The following ICE1 variants were observed in gnomAD, a reference collection of about 807,000 sequenced individuals.
ICE1 encodes the protein interactor of little elongation complex ELL subunit 1, also known as little elongation complex subunit 1.
In ICE1, 64 loss-of-function variants were observed where a neutral mutation model predicts 192.7. The observed-to-expected ratio is 0.33, with a 90% CI of 0.27 to 0.41. ICE1 has a LOEUF of 0.41. Ranked by LOEUF, ICE1 falls within the 10% of genes least tolerant of loss-of-function variation. ICE1 has a pLI of 1.00. For missense variants in ICE1, 2,708 were observed against 2,696.0 expected, an observed-to-expected ratio of 1.00 and a Z score of -0.10; for synonymous variants, 1,010 against 984.5, an observed-to-expected ratio of 1.03 and a Z score of -0.49.
chr5:5,481,988 C>A (rs911684260), intron 17 of ICE1, among the ~76,000 whole-genome samples: 26 of 152,162 alleles, frequency 1.7e-4, no homozygotes, highest in African/African-American at 4.8e-4. Flanking sequence ...AATGTGGTCT[C>A]CTGACTAAGC....
At chr5:5,448,797 T>C (rs1171912234) in intron 10 of ICE1, among the ~76,000 whole-genome samples, 2 of 152,222 alleles carry the variant, frequency 1.3e-5, no homozygotes, top group Non-Finnish European at 2.9e-5. Context: ...TTTTCCTTGG[T>C]GTAAGGCTTT....
intron 4 of ICE1, among the ~76,000 whole-genome samples, chr5:5,440,342 G>A (rs1430021448): frequency 1.3e-5 from 2 of 152,140 alleles, no homozygotes; most frequent in East Asian, 3.9e-4. Flanking sequence ...AAGGCGAAAC[G>A]TGGTTATAAA....
intron 3 of ICE1, 74 bp from the exon 4 acceptor site, chr5:5,439,821 A>G (rs1328020188): frequency 2.1e-6 from 2 of 971,636 alleles, no homozygotes; most frequent in African/African-American, 3.4e-5. Context: ...ATTAAAGATA[A>G]TTGTAAAGTG....
At position 5,460,984 on chromosome 5, in the gene ICE1, C is replaced by T. The variant is rs370862134; in HGVS notation, c.1650C>T (p.Thr550=). 52 of 1,614,008 alleles carry T rather than the reference C, an allele frequency of 3.2e-5. 1 individual carries two copies. The Middle Eastern group carries it at 4.9e-4, about 15-fold the overall frequency. Residue 550 remains threonine, a synonymous_variant, in exon 13 of 19, where the codon ACC becomes ACT. Coordinates refer to ENST00000296564, the MANE Select transcript of ICE1 (RefSeq NM_015325.3). ...LNELMESEGK[T]VLSKMMGSPK... Reference sequence around the variant, plus strand: ...AACTCATGGAATCTGAAGGAAAAACCGTATTGTCTAAAATGATGGGATCGC... The same window carrying T: ...AACTCATGGAATCTGAAGGAAAAACTGTATTGTCTAAAATGATGGGATCGC...
chr5:5,436,516 C>T lies in ICE1; in HGVS notation c.143+40C>T. 2.4e-6 allele frequency: 3 copies of T among 1,229,102 alleles called. No homozygotes were observed. The South Asian group carries it at 5.2e-5, about 21-fold the overall frequency. The allele number at this position is 1,229,102 out of a possible 1,614,324, so 76.1% of individuals were successfully genotyped here. A position where few individuals can be genotyped will look rare whatever the true frequency, so the allele number is the denominator to read the frequency against. On this transcript the variant is annotated intron_variant, in intron 2 of 18. Transcript: ENST00000296564. Reference sequence around the variant, plus strand: ...ATGTCGTTTGGCAGAACTTTGTAAACCTGACAAACTGGCTGAAGCAGGCGG... The same window carrying T: ...ATGTCGTTTGGCAGAACTTTGTAAATCTGACAAACTGGCTGAAGCAGGCGG...
chr5:5,466,015 C>A (rs1054943634), intron 13 of ICE1, among the ~76,000 whole-genome samples: 3 of 151,956 alleles, frequency 2.0e-5, no homozygotes, highest in African/African-American at 7.3e-5. Context: ...TAAGGCAAAA[C>A]CCAAGAAATT....
intron 1 of ICE1, among the ~76,000 whole-genome samples, chr5:5,435,670 T>TG (rs1259889150): frequency 1.5e-4 from 17 of 115,768 alleles, no homozygotes; most frequent in African/African-American, 5.9e-4. Flanking sequence ...TTTTTTTTTT[T>TG]TTGTTTTGTT....
At chr5:5,454,191 A>G (rs1738518137) in intron 10 of ICE1, among the ~76,000 whole-genome samples, 1 of 152,072 alleles carries the variant, frequency 6.6e-6, no homozygotes. Context: ...TCCTTCCCCC[A>G]TCTCAAAGCA....
In ICE1 at chr5:5,457,633, A is replaced by T. The variant is rs931138518; in HGVS notation, c.993A>T (p.Gln331His). Residue 331 changes from glutamine (Q) to histidine (H), a missense_variant, in exon 12 of 19, where the codon CAA becomes CAT. Physicochemically the swap from Gln to His is conservative, Grantham distance 24. This residue lies in a region of ICE1 where 2,366 missense variants were observed against 2,276.6 expected (regional missense o/e 1.04). Coordinates refer to ENST00000296564, the MANE Select transcript of ICE1 (RefSeq NM_015325.3). ...DHDHFFDEDL[Q>H]AAIDFFKLPP... ...ATCATTTTTTTGATGAAGATCTTCA[A>T]GCTGCAATTGACTTCTTCAAACTTC... 1.2e-6 allele frequency: 2 copies of T among 1,613,794 alleles called. No individual in the cohort carries two copies. The highest frequency in any genetic ancestry group is 2.7e-5 in the African/African-American group (2 of 74,906).
At chr5:5,427,082 C>T (rs1394485899) in intron 1 of ICE1, among the ~76,000 whole-genome samples, 1 of 152,124 alleles carries the variant, frequency 6.6e-6, no homozygotes, top group Non-Finnish European at 1.5e-5. Context: ...TTTCTTAATC[C>T]TCCCTGTCCT....
At chr5:5,423,174 G>A (rs921155098) in intron 1 of ICE1, among the ~76,000 whole-genome samples, 175 bp downstream of exon 1, 9 of 152,250 alleles carry the variant, frequency 5.9e-5, no homozygotes, top group Non-Finnish European at 1.0e-4. Flanking sequence ...GAGTTTTGGG[G>A]ACGGCTTTCT....
Position 5,480,885 on chromosome 5 carries a change from T to C in ICE1, c.6520+4806T>C, listed in dbSNP as rs185278365. 2.4e-3 allele frequency among the ~76,000 whole-genome samples: 369 copies of C among 152,308 alleles called. 2 individuals are homozygous for C. Among genetic ancestry groups the C allele is most frequent in the African/African-American group, 8.3e-3 (346 of 41,570 alleles). On this transcript the variant is annotated intron_variant, in intron 17 of 18. Coordinates refer to ENST00000296564, the MANE Select transcript of ICE1 (RefSeq NM_015325.3). ...CCAAAGACTATGAATTTGGTAGAGA[T>C]ACATCAGAAGATAAGCAGAGGCACA...
rs1028880410 is a variant in ICE1 at position 5,489,531 on chromosome 5, G to GT, written c.*204dup. Reference sequence around the variant, plus strand: ...AGTCGTTTTTCCCTAAATCTAATACGTTTCACTTAAGGCTGTTGTGATCTG... The same window carrying GT: ...AGTCGTTTTTCCCTAAATCTAATACGTTTTCACTTAAGGCTGTTGTGATCTG... On this transcript the variant is annotated 3_prime_UTR_variant, in exon 19 of 19. Transcript: ENST00000296564. 2.0e-6 allele frequency: 1 copy of GT among 494,402 alleles called. No homozygotes were observed. Among genetic ancestry groups the GT allele is most frequent in the African/African-American group, 1.9e-5 (1 of 51,442 alleles). The allele number at this position is 494,402 out of a possible 1,614,324, so 30.6% of individuals were successfully genotyped here.
chr5:5,444,413 T>A, intron 7 of ICE1, 87 bp downstream of exon 7: 1 of 936,916 alleles, frequency 1.1e-6, no homozygotes, highest in South Asian at 1.5e-5. Context: ...GATCAAATAG[T>A]TGAATTGTTA....
intron 11 of ICE1, among the ~76,000 whole-genome samples, chr5:5,456,988 G>C (rs1211011852): frequency 6.6e-6 from 1 of 152,158 alleles, no homozygotes; most frequent in Non-Finnish European, 1.5e-5. Flanking sequence ...TTCTCTGCCA[G>C]ATTCTGCTGT....
intron 1 of ICE1, among the ~76,000 whole-genome samples, chr5:5,433,169 C>T (rs1294413486): frequency 6.6e-6 from 1 of 152,138 alleles, no homozygotes; most frequent in Non-Finnish European, 1.5e-5. Context: ...TTTATTTAAT[C>T]TTTATGCTTT....
intron 17 of ICE1, among the ~76,000 whole-genome samples, chr5:5,480,167 G>C (rs760074816): frequency 1.9e-4 from 29 of 152,004 alleles, no homozygotes; most frequent in South Asian, 1.2e-3. Flanking sequence ...TATAAAACAA[G>C]CTTCATCCAA....
rs201613141 is a variant in ICE1 at position 5,461,738 on chromosome 5, G to A, written c.2404G>A (p.Glu802Lys). The A allele has an allele frequency of 4.6e-5, 75 of 1,613,506 alleles. No individual in the cohort carries two copies. The highest frequency in any genetic ancestry group is 5.6e-5 in the Non-Finnish European group (66 of 1,179,750). ...HHSDLLRKGG[E>K]ESLRAKSEHE... ...TAGTGATTTATTAAGGAAAGGTGGC[G>A]AAGAAAGTCTGAGAGCCAAATCAGA... Residue 802 changes from glutamate (E) to lysine (K), a missense_variant, in exon 13 of 19, where the codon GAA (glutamate) becomes AAA (lysine). Glu to Lys is a moderately conservative substitution (Grantham distance 56). Transcript: ENST00000296564.
At chr5:5,483,635 G>A (rs1281363849) in intron 17 of ICE1, among the ~76,000 whole-genome samples, 1 of 152,148 alleles carries the variant, frequency 6.6e-6, no homozygotes, top group Middle Eastern at 3.2e-3. Context: ...TGGAAAGGTA[G>A]CAAAGTTGGG....
Sources: allele counts gnomAD v4.1 joint callset (sites outside exome capture counted in the v4.1 genomes callset), GRCh38; gene constraint gnomAD v4.1.1; regional missense constraint gnomAD v4.1.1; transcripts MANE v1.5; gene names NCBI Gene and HGNC (gene_info 2026-07-23, HGNC 2026-07-21).